GOSR2: variants seen among roughly 807,000 people sequenced by gnomAD.
GOSR2 encodes the protein golgi SNAP receptor complex member 2.
In GOSR2, 20 loss-of-function variants were observed where a neutral mutation model predicts 27.9. That is an observed-to-expected ratio of 0.72 (90% CI 0.50 to 1.04). The LOEUF (loss-of-function observed/expected upper bound fraction) is 1.04. GOSR2 is among the 50% of genes least tolerant of loss of function. GOSR2 has a pLI of 0.00. For missense variants in GOSR2, 261 were observed against 270.5 expected (o/e 0.97, Z 0.25); for synonymous variants, 91 against 98.8 (o/e 0.92, Z 0.47).
At chr17:46,943,502 T>A (rs115377982), downstream of GOSR2, among the ~76,000 whole-genome samples, 854 of 152,314 alleles carry the variant, frequency 5.6e-3, 8 homozygotes, top group African/African-American at 0.018. Context: ...CACAATCCCA[T>A]GAAACCTCCA....
At chr17:46,951,985 G>C (rs917021776) in intron 6 of GOSR2, among the ~76,000 whole-genome samples, 8 of 152,224 alleles carry the variant, frequency 5.3e-5, no homozygotes, top group Admixed American at 5.2e-4. Context: ...CATCCTCTCA[G>C]AGTGGCTATA....
At chr17:46,947,228 G>A (rs2089977831) in intron 6 of GOSR2, among the ~76,000 whole-genome samples, 1 of 152,188 alleles carries the variant, frequency 6.6e-6, no homozygotes, top group African/African-American at 2.4e-5. Flanking sequence ...TGTGGCCCCA[G>A]GAGTTACTGC....
intron 6 of GOSR2, among the ~76,000 whole-genome samples, chr17:46,955,984 A>G (rs1227494632): frequency 6.6e-6 from 1 of 152,166 alleles, no homozygotes; most frequent in Admixed American, 6.5e-5. Context: ...CTCTCCTCAC[A>G]TCAGACTGGG....
At chr17:46,946,461 CAAAAAAA>C (rs61284512), downstream of GOSR2, among the ~76,000 whole-genome samples, 1 of 98,994 alleles carries the variant, frequency 1.0e-5, no homozygotes, top group African/African-American at 4.2e-5. Context: ...AACTCCGTCT[CAAAAAAA>C]AAAAAAAAAA....
At chr17:46,936,790 A>T in intron 5 of GOSR2, 4 of 984,234 alleles carry the variant, frequency 4.1e-6, no homozygotes, top group Non-Finnish European at 4.8e-6. Context: ...GGAAAAAAAA[A>T]TACAAATACA....
intron 5 of GOSR2, chr17:46,936,492 T>G (rs1599034001): frequency 1.0e-6 from 1 of 985,336 alleles, no homozygotes; most frequent in East Asian, 1.1e-4. Context: ...GGCTACCTGG[T>G]GTTTGTCTCT....
downstream of GOSR2, among the ~76,000 whole-genome samples, chr17:46,946,356 G>A (rs1288229130): frequency 6.6e-6 from 1 of 151,428 alleles, no homozygotes; most frequent in Admixed American, 6.6e-5. Context: ...AGCTGCTCGG[G>A]AGGCTGAGGC....
At position 46,931,045 on chromosome 17, in the gene GOSR2, A is replaced by G. The variant is rs1369959228; in HGVS notation, c.95-54A>G. On this transcript the variant is annotated intron_variant, in intron 2 of 5. Transcript: ENST00000640051. ...AAAAAATCTGTGATTTATCATTGTA[A>G]TTTAAGTTCACTATCTCTTTTCCAG... The G allele has an allele frequency of 6.3e-6, 6 of 956,652 alleles. No homozygotes were observed. The Admixed American group carries it at 8.6e-5, about 14-fold the overall frequency. The allele number at this position is 956,652 out of a possible 1,614,324, so 59.3% of individuals were successfully genotyped here. A position where few individuals can be genotyped will look rare whatever the true frequency, so the allele number is the denominator to read the frequency against.
At chr17:46,923,530 C>T (rs2086014881) in intron 1 of GOSR2, 6 of 1,345,182 alleles carry the variant, frequency 4.5e-6, no homozygotes, top group African/African-American at 1.5e-5. Context: ...TTGTCCAGCA[C>T]TTGTCAACTC....
intron 2 of GOSR2, 127 bp from the exon 3 acceptor site, chr17:46,930,972 A>AT: frequency 1.5e-6 from 1 of 687,032 alleles, no homozygotes; most frequent in Non-Finnish European, 2.6e-6. Context: ...TAGTGTATAC[A>AT]TTTTTCTCCT....
chr17:46,924,645 G>A (rs756996197), intron 1 of GOSR2, among the ~76,000 whole-genome samples: 2 of 152,200 alleles, frequency 1.3e-5, no homozygotes, highest in South Asian at 2.1e-4. Flanking sequence ...TTATTTTGGC[G>A]ATGAGGTGTT....
chr17:46,930,603 G>A (rs2087199755), intron 2 of GOSR2: 2 of 155,784 alleles, frequency 1.3e-5, no homozygotes, highest in South Asian at 1.9e-4. Context: ...AGCCTTAAGG[G>A]AACTCTTCTC....
chr17:46,940,952 T>G lies in GOSR2; in HGVS notation c.*2192T>G, dbSNP rs545130658. ...AGACCTTGGCCTAACAGTGTGACTC[T>G]CTCCACCGCCTCAGTGTAGGGAAGG... On this transcript the variant is annotated 3_prime_UTR_variant, in exon 6 of 6. Coordinates refer to ENST00000640051, the MANE Select transcript of GOSR2 (RefSeq NM_004287.5). 75 of 1,245,288 alleles carry G rather than the reference T, an allele frequency of 6.0e-5. No homozygotes were observed. The African/African-American group carries it at 1.0e-3, about 17-fold the overall frequency. 77.1% of individuals were successfully genotyped at this position (1,245,288 alleles called of 1,614,324 possible).
exon 7 of GOSR2, chr17:46,966,861 C>G (rs1368532129): frequency 2.4e-6 from 1 of 408,256 alleles, no homozygotes; most frequent in African/African-American, 2.0e-5. Flanking sequence ...GTGAAGAGCC[C>G]TCTCTAAATG....
chr17:46,943,792 G>T (rs987660289), downstream of GOSR2, among the ~76,000 whole-genome samples: 1 of 152,260 alleles, frequency 6.6e-6, no homozygotes, highest in African/African-American at 2.4e-5. Flanking sequence ...AGTAAAAGAG[G>T]AGAGGCATGG....
chr17:46,940,707 C>G lies in GOSR2; in HGVS notation c.*1947C>G. On this transcript the variant is annotated 3_prime_UTR_variant, in exon 6 of 6. Transcript: ENST00000640051. ...TTTTCGTGGTGTGCACCAGTGCTTTCCACACTTGACAGTGGTTGGCTTTGA... is the reference window on the plus strand; with the variant it reads ...TTTTCGTGGTGTGCACCAGTGCTTTGCACACTTGACAGTGGTTGGCTTTGA... 1 of 1,606,012 alleles carries G rather than the reference C, an allele frequency of 6.2e-7. No homozygotes were observed. The highest frequency in any genetic ancestry group is 1.1e-5 in the South Asian group (1 of 90,634).
chr17:46,939,004 T>A lies in GOSR2; in HGVS notation c.*244T>A. 1.5e-6 allele frequency: 2 copies of A among 1,351,288 alleles called. No homozygotes were observed. Among genetic ancestry groups the A allele is most frequent in the Admixed American group, 5.1e-5 (2 of 38,848 alleles). 83.7% of individuals were successfully genotyped at this position (1,351,288 alleles called of 1,614,324 possible). ...ATGAAAGAAGTCCCGGGTCTGTCTC[T>A]CTCACTCTCGCTCTCACTGGGGGAG... is the stretch of plus-strand genomic sequence containing the variant. On this transcript the variant is annotated 3_prime_UTR_variant, in exon 6 of 6. Transcript: ENST00000640051.
chr17:46,944,860 A>G, downstream of GOSR2, among the ~76,000 whole-genome samples: 1 of 152,128 alleles, frequency 6.6e-6, no homozygotes, highest in East Asian at 1.9e-4. Flanking sequence ...TCGGCCTCCC[A>G]AAGTGCTGGG....
In GOSR2 at chr17:46,929,577, T is replaced by C; in HGVS notation, c.87T>C (p.Ser29=). 1 of 1,486,370 alleles carries C rather than the reference T, an allele frequency of 6.7e-7. No homozygotes were observed. Among genetic ancestry groups the C allele is most frequent in the Non-Finnish European group, 9.4e-7 (1 of 1,063,272 alleles). The allele number at this position is 1,486,370 out of a possible 1,614,324, so 92.1% of individuals were successfully genotyped here. A position where few individuals can be genotyped will look rare whatever the true frequency, so the allele number is the denominator to read the frequency against. ...MGRLETADKQ[S]VHIVENEIQA... is the part of the protein sequence containing the mutation. ...GCCTGGAGACGGCAGACAAGCAGTC[T>C]GTGCACAGTGAGTAATTAACTGTGG... Residue 29 remains serine (S), a synonymous_variant, in exon 2 of 6, where the codon TCT becomes TCC. Transcript: ENST00000640051.
Sources: gnomAD v4.1 joint callset for allele counts (sites outside exome capture counted in the v4.1 genomes callset) on GRCh38, gnomAD v4.1.1 for gene constraint, MANE v1.5 for transcripts, NCBI Gene and HGNC (gene_info 2026-07-23, HGNC 2026-07-21) for gene names.